The following EYS variants were observed in gnomAD, a reference collection of about 807,000 sequenced individuals.
The protein encoded by EYS is protein eyes shut homolog.
In EYS, 250 loss-of-function variants were observed where a neutral mutation model predicts 282.1. The observed-to-expected ratio is 0.89, with a 90% CI of 0.80 to 0.98. The LOEUF is 0.98. Among genes scored for constraint, EYS ranks in the 50% least tolerant of loss-of-function variants. The pLI is 0.00. For missense variants in EYS, 4,016 were observed against 3,709.0 expected (o/e 1.08, Z -2.15); for synonymous variants, 1,355 against 1,282.9 (o/e 1.06, Z -1.20).
chr6:64,992,073 C>T (rs986845893), intron 14 of EYS, among the ~76,000 whole-genome samples: 2 of 151,742 alleles, frequency 1.3e-5, no homozygotes, highest in Non-Finnish European at 2.9e-5. Flanking sequence ...ATTTTAAGCA[C>T]GTGTCTTTTC....
At chr6:65,126,648 G>T (rs928062105) in intron 12 of EYS, among the ~76,000 whole-genome samples, 2 of 152,162 alleles carry the variant, frequency 1.3e-5, no homozygotes, top group Non-Finnish European at 2.9e-5. Context: ...CACCCCTTCA[G>T]GATTCTTATG....
intron 28 of EYS, among the ~76,000 whole-genome samples, chr6:64,432,448 G>A (rs188312286): frequency 1.1e-4 from 17 of 151,392 alleles, no homozygotes; most frequent in African/African-American, 3.1e-4. Context: ...GAATTTAAGC[G>A]GTGACTTTAA....
chr6:65,221,743 G>A (rs1200742729), intron 12 of EYS, among the ~76,000 whole-genome samples: 2 of 152,148 alleles, frequency 1.3e-5, no homozygotes, highest in Non-Finnish European at 2.9e-5. Context: ...TCCACTGACA[G>A]CTTGCACCAT....
intron 18 of EYS, among the ~76,000 whole-genome samples, chr6:64,897,034 G>A (rs1767498114): frequency 6.6e-6 from 1 of 152,200 alleles, no homozygotes; most frequent in Non-Finnish European, 1.5e-5. Flanking sequence ...CACAGCTTGA[G>A]CAGACTTAAA....
chr6:65,626,635 A>C (rs568947465), intron 2 of EYS, among the ~76,000 whole-genome samples: 1 of 152,338 alleles, frequency 6.6e-6, no homozygotes, highest in South Asian at 2.1e-4. Flanking sequence ...TACCTAAAAC[A>C]AGCCATGGAC....
At chr6:65,137,938 T>C (rs1376296159) in intron 12 of EYS, among the ~76,000 whole-genome samples, 1 of 152,068 alleles carries the variant, frequency 6.6e-6, no homozygotes, top group Non-Finnish European at 1.5e-5. Context: ...ATATTGGTGA[T>C]AATATCACAC....
chr6:65,020,707 C>T (rs1324931843), intron 13 of EYS, among the ~76,000 whole-genome samples: 1 of 152,216 alleles, frequency 6.6e-6, no homozygotes, highest in Non-Finnish European at 1.5e-5. Context: ...CATTTCCCTA[C>T]TGCACTGCCC....
At chr6:65,401,061 G>T (rs1766475027) in intron 7 of EYS, among the ~76,000 whole-genome samples, 1 of 151,788 alleles carries the variant, frequency 6.6e-6, no homozygotes, top group Non-Finnish European at 1.5e-5. Context: ...TAGAGACAAG[G>T]AACAACCATT....
intron 35 of EYS, among the ~76,000 whole-genome samples, chr6:63,886,868 G>A (rs1368484560): frequency 2.0e-5 from 3 of 152,154 alleles, no homozygotes; most frequent in Non-Finnish European, 4.4e-5. Context: ...ATATTACCAT[G>A]GAAGGAAACT....
At chr6:65,256,305 C>T (rs1241541176) in intron 12 of EYS, among the ~76,000 whole-genome samples, 2 of 129,982 alleles carry the variant, frequency 1.5e-5, no homozygotes, top group African/African-American at 6.3e-5. Context: ...TTTTAGGGTA[C>T]ATGTGCACAT....
chr6:63,849,621 G>GAACATC (rs1307320538), intron 36 of EYS, among the ~76,000 whole-genome samples: 1 of 152,072 alleles, frequency 6.6e-6, no homozygotes, highest in Non-Finnish European at 1.5e-5. Context: ...CAGAAAGCAA[G>GAACATC]AACATCAACA....
At chr6:64,769,883 A>AT (rs1490589152) in intron 22 of EYS, among the ~76,000 whole-genome samples, 2 of 151,918 alleles carry the variant, frequency 1.3e-5, no homozygotes, top group African/African-American at 4.8e-5. Flanking sequence ...AGCTAAAGTG[A>AT]TTTTGTCAAG....
At chr6:64,740,744 C>T (rs574647338) in intron 22 of EYS, among the ~76,000 whole-genome samples, 7 of 147,934 alleles carry the variant, frequency 4.7e-5, no homozygotes, top group Non-Finnish European at 7.4e-5. Context: ...TACTGAGTCT[C>T]GCTCTGTCAC....
chr6:65,691,670 T>C (rs1769249018), intron 1 of EYS, among the ~76,000 whole-genome samples: 1 of 150,444 alleles, frequency 6.6e-6, no homozygotes, highest in African/African-American at 2.4e-5. Context: ...GCCTATGTCC[T>C]GAATGGTATT....
At chr6:65,075,420 A>G (rs1282004048) in intron 12 of EYS, among the ~76,000 whole-genome samples, 1 of 152,070 alleles carries the variant, frequency 6.6e-6, no homozygotes, top group Non-Finnish European at 1.5e-5. Flanking sequence ...TTTAACTTAT[A>G]TATAACTAAC....
At chr6:65,245,535 T>G (rs924428704) in intron 12 of EYS, among the ~76,000 whole-genome samples, 7 of 152,072 alleles carry the variant, frequency 4.6e-5, no homozygotes, top group African/African-American at 1.7e-4. Flanking sequence ...CCACCTCAGC[T>G]TATTATTCTC....
chr6:63,778,606 A>G (rs1267490050), intron 39 of EYS, among the ~76,000 whole-genome samples: 1 of 152,200 alleles, frequency 6.6e-6, no homozygotes, highest in East Asian at 1.9e-4. Context: ...TATAATTATT[A>G]TACCATTGAC....
At chr6:65,665,442 T>G (rs200738069) in intron 1 of EYS, among the ~76,000 whole-genome samples, 1 of 152,256 alleles carries the variant, frequency 6.6e-6, no homozygotes, top group East Asian at 1.9e-4. Context: ...TGGGAAACGA[T>G]GAATTCCTAC....
chr6:63,884,136 T>G (rs1773203712), intron 35 of EYS, among the ~76,000 whole-genome samples: 1 of 152,188 alleles, frequency 6.6e-6, no homozygotes, highest in Non-Finnish European at 1.5e-5. Context: ...GGTCATGCAG[T>G]AAATATGAGT....
Sources: gnomAD v4.1 joint callset for allele counts (sites outside exome capture counted in the v4.1 genomes callset) on GRCh38, gnomAD v4.1.1 for gene constraint, MANE v1.5 for transcripts, NCBI Gene and HGNC (gene_info 2026-07-23, HGNC 2026-07-21) for gene names.